CDH4: variants seen among roughly 807,000 people sequenced by gnomAD.
CDH4 encodes cadherin 4, also known as cadherin-4.
CDH4 carries 33 observed loss-of-function variants against 86.0 expected under a neutral mutation model. The ratio of observed to expected loss-of-function variants is 0.38; its 90% CI spans 0.29 to 0.51. The LOEUF (loss-of-function observed/expected upper bound fraction) is 0.51, where lower values mean the gene tolerates loss of function less well. CDH4 is among the 20% of genes least tolerant of loss of function. The probability of loss-of-function intolerance (pLI) is 0.86; values close to 1 mark genes in which losing one functional copy is unlikely to be tolerated. For missense variants in CDH4, 1,114 were observed against 1,307.4 expected, an observed-to-expected ratio of 0.85 and a Z score of 2.28; for synonymous variants, 555 against 549.4, an observed-to-expected ratio of 1.01 and a Z score of -0.14.
intron 2 of CDH4, among the ~76,000 whole-genome samples, chr20:61,713,699 G>A (rs1353578727): frequency 2.0e-5 from 3 of 152,222 alleles, no homozygotes; most frequent in Non-Finnish European, 4.4e-5. Context: ...TATCATATGA[G>A]CCTCCGTTTC....
chr20:61,295,316 C>T (rs1359997355), intron 2 of CDH4, among the ~76,000 whole-genome samples: 3 of 152,068 alleles, frequency 2.0e-5, no homozygotes, highest in Admixed American at 6.6e-5. Context: ...GAACACTGAC[C>T]ATGCGGTATT....
chr20:61,386,027 G>T (rs766733079), intron 2 of CDH4, among the ~76,000 whole-genome samples: 1 of 152,164 alleles, frequency 6.6e-6, no homozygotes, highest in Non-Finnish European at 1.5e-5. Flanking sequence ...TGTTTCTCCC[G>T]TGGCTCTGTG....
At chr20:61,768,601 A>G (rs2088730862) in intron 3 of CDH4, among the ~76,000 whole-genome samples, 1 of 152,214 alleles carries the variant, frequency 6.6e-6, no homozygotes, top group Non-Finnish European at 1.5e-5. Context: ...AGTGAGTATA[A>G]TTATGCATCA....
intron 2 of CDH4, among the ~76,000 whole-genome samples, chr20:61,725,063 G>A (rs1011003873): frequency 2.0e-5 from 3 of 152,196 alleles, no homozygotes; most frequent in African/African-American, 7.2e-5. Context: ...ACTGAGCTAT[G>A]ATTGTGCCAT....
chr20:61,617,900 C>T (rs1472317726), intron 2 of CDH4, among the ~76,000 whole-genome samples: 5 of 152,132 alleles, frequency 3.3e-5, no homozygotes, highest in Admixed American at 6.5e-5. Flanking sequence ...ATCATGGAGG[C>T]GGTTTCTCCC....
rs565867923 is a variant in CDH4 at position 61,923,651 on chromosome 20, G to A, written c.1575G>A (p.Val525=). 6.2e-7 allele frequency: 1 copy of A among 1,614,054 alleles called. No homozygotes were observed. Among genetic ancestry groups the A allele is most frequent in the Non-Finnish European group, 8.5e-7 (1 of 1,180,036 alleles). The stretch of plus-strand genomic sequence containing the variant: ...AGGAGGGCGTGCCCCCCGGCACCGT[G>A]CTGACCACGTTTTCAGCTGTGGACC... The part of the protein sequence containing the change: ...RLEEGVPPGT[V]LTTFSAVDPD... The change falls in exon 10 of 16, where the codon GTG becomes GTA. Residue 525 remains valine, a synonymous_variant. Coordinates refer to ENST00000614565, the MANE Select transcript of CDH4 (RefSeq NM_001794.5).
chr20:61,437,742 G>A (rs893944145), intron 2 of CDH4, among the ~76,000 whole-genome samples: 14 of 152,244 alleles, frequency 9.2e-5, no homozygotes, highest in East Asian at 5.8e-4. Flanking sequence ...GACTTAGGTC[G>A]CTGGGGACCC....
chr20:61,444,338 T>C (rs2085332362), intron 2 of CDH4, among the ~76,000 whole-genome samples: 9 of 143,382 alleles, frequency 6.3e-5, no homozygotes, highest in East Asian at 2.2e-4. Context: ...TGTGTTTCTC[T>C]GTGTGTGTCT....
chr20:61,905,934 G>T (rs2054783674), intron 8 of CDH4, among the ~76,000 whole-genome samples: 1 of 151,924 alleles, frequency 6.6e-6, no homozygotes, highest in Non-Finnish European at 1.5e-5. Context: ...CTCCCTTCAG[G>T]CATGGCTGGA....
At chr20:61,372,594 C>T in intron 2 of CDH4, among the ~76,000 whole-genome samples, 1 of 152,234 alleles carries the variant, frequency 6.6e-6, no homozygotes, top group East Asian at 1.9e-4. Context: ...CACCCCAAAG[C>T]TGTGGTGGAC....
chr20:61,576,670 TATCTC>T (rs746024229), intron 2 of CDH4, among the ~76,000 whole-genome samples: 7 of 152,204 alleles, frequency 4.6e-5, no homozygotes, highest in Non-Finnish European at 7.3e-5. Flanking sequence ...CCTTGTGAGT[TATCTC>T]AGCTCTGAGC....
intron 2 of CDH4, among the ~76,000 whole-genome samples, chr20:61,284,808 G>A (rs953594100): frequency 3.3e-5 from 5 of 152,164 alleles, no homozygotes; most frequent in African/African-American, 1.2e-4. Flanking sequence ...TTTGTCAAAG[G>A]CCAGATAGTC....
intron 7 of CDH4, among the ~76,000 whole-genome samples, chr20:61,881,994 C>A (rs955807641): frequency 6.6e-5 from 10 of 152,258 alleles, no homozygotes; most frequent in African/African-American, 1.9e-4. Context: ...GATAAGGCTA[C>A]AAGCCAAGGG....
intron 3 of CDH4, among the ~76,000 whole-genome samples, chr20:61,764,579 C>T (rs1302670104): frequency 6.6e-6 from 1 of 152,092 alleles, no homozygotes; most frequent in Admixed American, 6.5e-5. Context: ...GCGCAGGGCC[C>T]CCCGAGCAGC....
At chr20:61,844,481 C>T (rs2146101451) in intron 4 of CDH4, among the ~76,000 whole-genome samples, 187 bp from the exon 5 acceptor site, 1 of 152,182 alleles carries the variant, frequency 6.6e-6, no homozygotes, top group African/African-American at 2.4e-5. Context: ...CGGCGGCTCT[C>T]AGTGAAACCC....
chr20:61,590,349 G>A (rs2086509307), intron 2 of CDH4, among the ~76,000 whole-genome samples: 1 of 152,154 alleles, frequency 6.6e-6, no homozygotes, highest in South Asian at 2.1e-4. Context: ...ACAGGGAGCT[G>A]CGATGGCCCA....
At chr20:61,901,646 A>G (rs534535188) in intron 8 of CDH4, among the ~76,000 whole-genome samples, 3 of 152,306 alleles carry the variant, frequency 2.0e-5, no homozygotes, top group African/African-American at 7.2e-5. Flanking sequence ...CCTCGTCCAC[A>G]CCGGGCTCCG....
Position 61,313,767 on chromosome 20 carries a change from C to T in CDH4, c.169+58830C>T, listed in dbSNP as rs530858349. Reference sequence around the variant, plus strand: ...TCATTTTTTGTTTAAGACATGGTCTCGCTCTGTCACCCAGGCTGGAGTGCA... The same window carrying T: ...TCATTTTTTGTTTAAGACATGGTCTTGCTCTGTCACCCAGGCTGGAGTGCA... On this transcript the variant is annotated intron_variant, in intron 2 of 15. Coordinates refer to ENST00000614565, the MANE Select transcript of CDH4 (RefSeq NM_001794.5). Among the ~76,000 whole-genome samples, 18 of 152,322 alleles carry T rather than the reference C, an allele frequency of 1.2e-4. No homozygotes were observed. In the South Asian group the frequency reaches 3.3e-3, roughly 28 times the overall value.
chr20:61,261,235 G>T (rs1482104487), intron 2 of CDH4, among the ~76,000 whole-genome samples: 1 of 152,144 alleles, frequency 6.6e-6, no homozygotes, highest in Admixed American at 6.5e-5. Flanking sequence ...AGTGGATCAG[G>T]ATTCCCACCC....
Sources: gnomAD v4.1 joint callset for allele counts (sites outside exome capture counted in the v4.1 genomes callset) on GRCh38, gnomAD v4.1.1 for gene constraint, MANE v1.5 for transcripts, NCBI Gene and HGNC (gene_info 2026-07-23, HGNC 2026-07-21) for gene names.